The following SLC37A3 variants were observed in gnomAD, a reference collection of about 807,000 sequenced individuals.
SLC37A3 encodes the protein sugar phosphate exchanger 3.
In SLC37A3, 51 loss-of-function variants were observed where a neutral mutation model predicts 67.1. The ratio of observed to expected loss-of-function variants is 0.76; its 90% CI spans 0.61 to 0.96. The LOEUF (loss-of-function observed/expected upper bound fraction) is 0.96. Among genes scored for constraint, SLC37A3 ranks in the 40% least tolerant of loss-of-function variants. SLC37A3 has a pLI of 0.00. For missense variants in SLC37A3, 508 were observed against 603.0 expected (o/e 0.84, Z 1.65); for synonymous variants, 214 against 231.4 (o/e 0.92, Z 0.68).
chr7:140,390,608 C>T (rs908212424), intron 1 of SLC37A3, among the ~76,000 whole-genome samples: 1 of 152,108 alleles, frequency 6.6e-6, no homozygotes, highest in African/African-American at 2.4e-5. Flanking sequence ...TGATCTCCCT[C>T]GCACTCCCGT....
At position 140,343,494 on chromosome 7, in the gene SLC37A3, A is replaced by G. The variant is rs186668396; in HGVS notation, c.1244T>C (p.Leu415Pro). 6.4e-4 allele frequency: 1,029 copies of G among 1,614,058 alleles called. 12 individuals carry two copies. In the East Asian group the frequency reaches 0.022, roughly 34 times the overall value. Reference sequence around the variant, plus strand: ...CAAAGCTTCACTGCTCCTTTGGATGAGCTCCTGGCGACCCAAGTCCGCAGA... The same window carrying G: ...CAAAGCTTCACTGCTCCTTTGGATGGGCTCCTGGCGACCCAAGTCCGCAGA... The part of the protein sequence containing the change: ...AISADLGRQE[L>P]IQRSSEALAT... The change falls in exon 13 of 15, where the codon CTC (leucine) becomes CCC (proline). Residue 415 changes from leucine to proline, a missense_variant. By Grantham distance (98) the Leu-to-Pro change is moderately conservative. Transcript: ENST00000326232.
At chr7:140,362,459 C>G (rs79953548) in intron 5 of SLC37A3, among the ~76,000 whole-genome samples, 3 of 114,966 alleles carry the variant, frequency 2.6e-5, no homozygotes, top group South Asian at 6.1e-4. Context: ...GCCGCCCCGT[C>G]TGGGAGGTGA....
chr7:140,391,380 C>T (rs1217244214), intron 1 of SLC37A3, among the ~76,000 whole-genome samples: 1 of 152,212 alleles, frequency 6.6e-6, no homozygotes, highest in Non-Finnish European at 1.5e-5. Context: ...CATAGTGAAA[C>T]TCTGTCTCTA....
chr7:140,347,953 C>T lies in SLC37A3; in HGVS notation c.1024+673G>A, dbSNP rs191242848. 1.2e-4 allele frequency among the ~76,000 whole-genome samples: 18 copies of T among 152,226 alleles called. No homozygotes were observed. The East Asian group carries it at 3.5e-3, about 29-fold the overall frequency. The stretch of plus-strand genomic sequence containing the variant: ...ACCTGAAACCACAGACAGTACCAAA[C>T]TCTATACATACTATGTTTTTTTCTA... On this transcript the variant is annotated intron_variant, in intron 10 of 14. Transcript: ENST00000326232.
chr7:140,378,645 G>A (rs920131244), intron 3 of SLC37A3, among the ~76,000 whole-genome samples: 1 of 151,826 alleles, frequency 6.6e-6, no homozygotes, highest in African/African-American at 2.4e-5. Context: ...GCTGAGGCAG[G>A]AGAATCGCTT....
rs867776172 is a variant in SLC37A3 at position 140,353,990 on chromosome 7, G to A, written c.618+1678C>T. 1.9e-3 allele frequency among the ~76,000 whole-genome samples: 285 copies of A among 152,156 alleles called. 2 individuals carry two copies. The highest frequency in any genetic ancestry group is 6.3e-3 in the African/African-American group (260 of 41,506). On this transcript the variant is annotated intron_variant, in intron 7 of 14. Coordinates refer to ENST00000326232, the MANE Select transcript of SLC37A3 (RefSeq NM_207113.3). ...CTCCCAAAGTGCTGGGATTACAGGC[G>A]TGAGCCACCACACCTGGCCCACTTA...
At chr7:140,343,065 G>C (rs1796419347) in intron 13 of SLC37A3, among the ~76,000 whole-genome samples, 1 of 152,054 alleles carries the variant, frequency 6.6e-6, no homozygotes, top group Non-Finnish European at 1.5e-5. Context: ...TGCCAGGTGG[G>C]GATAACAAGA....
In SLC37A3 at chr7:140,335,109, TA is replaced by T; in HGVS notation, c.*302del. 1 of 1,032,188 alleles carries T rather than the reference TA, an allele frequency of 9.7e-7. No individual in the cohort carries two copies. The highest frequency in any genetic ancestry group is 1.4e-6 in the Non-Finnish European group (1 of 726,366). The allele number at this position is 1,032,188 out of a possible 1,614,324, so 63.9% of individuals were successfully genotyped here. On this transcript the variant is annotated 3_prime_UTR_variant, in exon 15 of 15. Coordinates refer to ENST00000326232, the MANE Select transcript of SLC37A3 (RefSeq NM_207113.3). ...AAAACAACAGTTAAGGTTAAAACGC[TA>T]AACCTCAATAGGCCAAACAAAGACG...
intron 1 of SLC37A3, among the ~76,000 whole-genome samples, chr7:140,394,451 A>G (rs2129981754): frequency 6.6e-6 from 1 of 151,912 alleles, no homozygotes; most frequent in Non-Finnish European, 1.5e-5. Flanking sequence ...GACCTCATTC[A>G]TCTCTACAAA....
intron 4 of SLC37A3, among the ~76,000 whole-genome samples, chr7:140,368,002 T>G (rs987966038): frequency 6.6e-6 from 1 of 151,924 alleles, no homozygotes; most frequent in African/African-American, 2.4e-5. Context: ...TTATTGGAAA[T>G]GGGGTTTCTT....
At chr7:140,378,730 C>T (rs1798128736) in intron 3 of SLC37A3, among the ~76,000 whole-genome samples, 1 of 143,642 alleles carries the variant, frequency 7.0e-6, no homozygotes, top group South Asian at 2.2e-4. Context: ...AGCAAGACTC[C>T]ATCTCACAAA....
intron 10 of SLC37A3, 169 bp downstream of exon 10, chr7:140,348,457 C>A (rs927018692): frequency 3.2e-6 from 2 of 634,458 alleles, no homozygotes; most frequent in Non-Finnish European, 2.3e-6. Context: ...CTTTTCTTTT[C>A]TTTTCTTTTT....
At chr7:140,396,137 A>C (rs1239697210) in intron 1 of SLC37A3, among the ~76,000 whole-genome samples, 5 of 151,910 alleles carry the variant, frequency 3.3e-5, no homozygotes, top group Non-Finnish European at 4.4e-5. Context: ...CTCCTGCCTC[A>C]GCCTCCAAAG....
At chr7:140,355,011 C>T (rs1245673635) in intron 7 of SLC37A3, among the ~76,000 whole-genome samples, 1 of 152,168 alleles carries the variant, frequency 6.6e-6, no homozygotes, top group East Asian at 1.9e-4. Context: ...TCCCAAAGTG[C>T]TGGGATTACA....
chr7:140,367,399 G>T (rs890735266), intron 4 of SLC37A3, among the ~76,000 whole-genome samples: 2 of 152,100 alleles, frequency 1.3e-5, no homozygotes, highest in African/African-American at 2.4e-5. Context: ...TAGCACCATT[G>T]CACTCCAGCC....
intron 11 of SLC37A3, among the ~76,000 whole-genome samples, 163 bp from the exon 12 acceptor site, chr7:140,345,426 C>T (rs922277708): frequency 6.6e-6 from 1 of 152,214 alleles, no homozygotes; most frequent in Non-Finnish European, 1.5e-5. Context: ...TGATTTGTAA[C>T]GTCTGCCTCT....
chr7:140,369,785 C>G, intron 3 of SLC37A3, 103 bp from the exon 4 acceptor site: 3 of 843,850 alleles, frequency 3.6e-6, no homozygotes, highest in Non-Finnish European at 5.7e-6. Flanking sequence ...CAGTAATGCT[C>G]AAGAACAACT....
chr7:140,371,806 C>A (rs1797829269), intron 3 of SLC37A3, among the ~76,000 whole-genome samples: 1 of 151,700 alleles, frequency 6.6e-6, no homozygotes, highest in Non-Finnish European at 1.5e-5. Flanking sequence ...TTATCCTCAA[C>A]TTTATCTAGG....
chr7:140,359,541 G>T (rs1797181781), intron 5 of SLC37A3, among the ~76,000 whole-genome samples: 1 of 152,086 alleles, frequency 6.6e-6, no homozygotes, highest in Non-Finnish European at 1.5e-5. Flanking sequence ...CACTGTTATG[G>T]CTACAGCTCC....
Sources: allele counts gnomAD v4.1 joint callset (sites outside exome capture counted in the v4.1 genomes callset), GRCh38; gene constraint gnomAD v4.1.1; transcripts MANE v1.5; gene names NCBI Gene and HGNC (gene_info 2026-07-23, HGNC 2026-07-21).